GABRA3: variants seen among roughly 807,000 people sequenced by gnomAD.
GABRA3 encodes gamma-aminobutyric acid receptor subunit alpha-3.
Under a neutral mutation model 30.1 loss-of-function variants are expected in GABRA3, and 10 were observed. That is an observed-to-expected ratio of 0.33 (90% CI 0.20 to 0.56). The LOEUF (loss-of-function observed/expected upper bound fraction) is 0.56. Among genes scored for constraint, GABRA3 ranks in the 20% least tolerant of loss-of-function variants. The pLI is 0.89. For synonymous variants in GABRA3, 151 were observed against 146.8 expected, an observed-to-expected ratio of 1.03 and a Z score of -0.21; for missense variants, 233 against 392.0, an observed-to-expected ratio of 0.59 and a Z score of 3.42.
intron 5 of GABRA3, among the ~76,000 whole-genome samples, chrX:152,225,579 G>T (rs1937935253): frequency 9.0e-6 from 1 of 111,055 alleles, no homozygotes; most frequent in South Asian, 3.8e-4. Context: ...ATGCTGGATG[G>T]ATTGCTCAGT....
chrX:152,234,624 A>C (rs1158021152), intron 5 of GABRA3, among the ~76,000 whole-genome samples: 1 of 111,304 alleles, frequency 9.0e-6, no homozygotes, highest in African/African-American at 3.3e-5. Context: ...TGAGTCTTTA[A>C]TCCATCCTGA....
chrX:152,295,504 A>G (rs1939511954), intron 3 of GABRA3, among the ~76,000 whole-genome samples: 1 of 113,217 alleles, frequency 8.8e-6, no homozygotes, highest in African/African-American at 3.2e-5. Context: ...CTGCTGAGCC[A>G]GGCATGGGAT....
chrX:152,363,353 G>T (rs1928565108), intron 2 of GABRA3, among the ~76,000 whole-genome samples: 2 of 111,605 alleles, frequency 1.8e-5, no homozygotes, highest in South Asian at 7.5e-4. Flanking sequence ...CCCTTTACTG[G>T]GCCAGTGAAA....
At chrX:152,313,544 A>G (rs1266051928) in intron 3 of GABRA3, among the ~76,000 whole-genome samples, 2 of 111,833 alleles carry the variant, frequency 1.8e-5, no homozygotes, top group Admixed American at 9.6e-5. Flanking sequence ...TTTTAAGGAA[A>G]TGCTATTTCC....
intron 3 of GABRA3, among the ~76,000 whole-genome samples, chrX:152,317,549 G>C (rs1379243485): frequency 9.0e-6 from 1 of 111,484 alleles, no homozygotes; most frequent in African/African-American, 3.3e-5. Flanking sequence ...TTTTCTCCAA[G>C]ATAGACCATA....
chrX:152,324,376 C>A (rs1352276841), intron 3 of GABRA3, among the ~76,000 whole-genome samples: 2 of 111,292 alleles, frequency 1.8e-5, no homozygotes, highest in African/African-American at 6.6e-5. Context: ...TCACTAAAAA[C>A]AAATTATGCC....
intron 2 of GABRA3, among the ~76,000 whole-genome samples, chrX:152,361,809 T>A (rs1003692347): frequency 1.1e-4 from 12 of 110,866 alleles, no homozygotes; most frequent in Non-Finnish European, 5.7e-5. Context: ...TGACCAAAAG[T>A]CACAAAGAAA....
intron 3 of GABRA3, among the ~76,000 whole-genome samples, chrX:152,309,253 G>A (rs1336289427): frequency 2.7e-5 from 3 of 111,722 alleles, no homozygotes; most frequent in Non-Finnish European, 5.6e-5. Flanking sequence ...TAACTTCACT[G>A]GAGAGATCAA....
intron 9 of GABRA3, among the ~76,000 whole-genome samples, chrX:152,189,223 C>A (rs1000021875): frequency 8.9e-6 from 1 of 112,047 alleles, no homozygotes; most frequent in African/African-American, 3.2e-5. Context: ...CAGAAAGGCT[C>A]TATGGAGAAA....
intron 2 of GABRA3, among the ~76,000 whole-genome samples, chrX:152,358,094 T>C (rs767884375): frequency 8.9e-6 from 1 of 111,892 alleles, no homozygotes; most frequent in Non-Finnish European, 1.9e-5. Flanking sequence ...GTAAAGAATG[T>C]CATTGGTAGT....
intron 3 of GABRA3, among the ~76,000 whole-genome samples, chrX:152,314,155 C>T (rs1450198340): frequency 1.8e-5 from 2 of 111,813 alleles, no homozygotes; most frequent in Non-Finnish European, 3.8e-5. Context: ...ACTGCTAACA[C>T]AATCAGAGTA....
chrX:152,364,346 CATCTGGGGGAAA>C, intron 2 of GABRA3, 73 bp downstream of exon 2: 1 of 937,919 alleles, frequency 1.1e-6, no homozygotes, highest in Non-Finnish European at 1.5e-6. Flanking sequence ...TACTTGGGTT[CATCTGGGGGAAA>C]ACATCAGAAG....
At position 152,374,641 on chromosome X, in the gene GABRA3, C is replaced by T. The variant is rs756083667; in HGVS notation, c.-26-10045G>A. 4.5e-3 allele frequency among the ~76,000 whole-genome samples: 503 copies of T among 111,652 alleles called. 1 individual carries two copies. Among genetic ancestry groups the T allele is most frequent in the African/African-American group, 0.014 (427 of 30,762 alleles). ...TTGGGATTACAGGCGTGAGCCACCG[C>T]GCTTGGCCCAATTTTTGCTTTTGTT... On this transcript the variant is annotated intron_variant, in intron 1 of 9. Coordinates refer to ENST00000370314, the MANE Select transcript of GABRA3 (RefSeq NM_000808.4).
chrX:152,213,664 T>C lies in GABRA3; in HGVS notation c.635-5520A>G, dbSNP rs890322868. Among the ~76,000 whole-genome samples, 3 of 111,731 alleles carry C rather than the reference T, an allele frequency of 2.7e-5. No homozygotes were observed. In the East Asian group the frequency reaches 8.5e-4, roughly 32 times the overall value. ...GTTCTAGGAACTGGCAGAAGGCCAA[T>C]GTAATGGGGAAAGGGATATGATATA... On this transcript the variant is annotated intron_variant, in intron 6 of 9. Transcript: ENST00000370314.
chrX:152,382,436 C>T (rs1929170057), intron 1 of GABRA3, among the ~76,000 whole-genome samples: 1 of 112,203 alleles, frequency 8.9e-6, no homozygotes, highest in African/African-American at 3.2e-5. Flanking sequence ...TGGGTATATA[C>T]CCAAAGGATT....
At chrX:152,224,974 T>C in intron 5 of GABRA3, 129 bp from the exon 6 acceptor site, 1 of 448,186 alleles carries the variant, frequency 2.2e-6, no homozygotes. Flanking sequence ...GATTCAAGTC[T>C]TTATGAACAC....
intron 5 of GABRA3, among the ~76,000 whole-genome samples, chrX:152,232,987 G>C (rs925158212): frequency 2.7e-5 from 3 of 110,588 alleles, no homozygotes; most frequent in Non-Finnish European, 5.7e-5. Context: ...TTTTTTGTTT[G>C]TTTGTTTTTG....
At chrX:152,450,874 A>G (rs922536665) in intron 1 of GABRA3, among the ~76,000 whole-genome samples, 1 of 112,546 alleles carries the variant, frequency 8.9e-6, no homozygotes, top group Admixed American at 9.3e-5. Flanking sequence ...AAAGAGGAAC[A>G]AAACAATTCA....
intron 1 of GABRA3, among the ~76,000 whole-genome samples, chrX:152,383,126 C>T (rs1429694504): frequency 1.8e-5 from 2 of 109,696 alleles, no homozygotes; most frequent in Admixed American, 2.0e-4. Flanking sequence ...GTGGCTCACA[C>T]CTGTAATCCC....
Sources: allele counts gnomAD v4.1 joint callset (sites outside exome capture counted in the v4.1 genomes callset), GRCh38; gene constraint gnomAD v4.1.1; transcripts MANE v1.5; gene names NCBI Gene and HGNC (gene_info 2026-07-23, HGNC 2026-07-21).